The following CDH18 variants were observed in gnomAD, a reference collection of about 807,000 sequenced individuals.
CDH18 encodes the protein cadherin-18.
CDH18 carries 31 observed loss-of-function variants against 67.9 expected under a neutral mutation model. That is an observed-to-expected ratio of 0.46 (90% confidence interval 0.34 to 0.62). The LOEUF (loss-of-function observed/expected upper bound fraction) is 0.62, where lower values mean the gene tolerates loss of function less well. Among genes scored for constraint, CDH18 ranks in the 20% least tolerant of loss-of-function variants. The pLI, the probability that CDH18 is intolerant of heterozygous loss-of-function variation, is 0.01. For missense variants in CDH18, 890 were observed against 975.5 expected (o/e 0.91, Z 1.17); for synonymous variants, 362 against 347.2 (o/e 1.04, Z -0.48).
intron 5 of CDH18, among the ~76,000 whole-genome samples, chr5:19,716,051 T>C (rs1765301491): frequency 1.3e-5 from 2 of 152,094 alleles, no homozygotes; most frequent in South Asian, 4.1e-4. Flanking sequence ...ACTCCTGACC[T>C]GACGTGATCC....
At chr5:20,081,402 G>T (rs567395007) in intron 2 of CDH18, among the ~76,000 whole-genome samples, 40 of 152,144 alleles carry the variant, frequency 2.6e-4, no homozygotes, top group African/African-American at 9.6e-4. Flanking sequence ...AGAGAGGTTT[G>T]GTTTAAAATG....
chr5:20,384,292 A>G (rs1055394293), intron 1 of CDH18, among the ~76,000 whole-genome samples: 2 of 152,050 alleles, frequency 1.3e-5, no homozygotes, highest in Non-Finnish European at 2.9e-5. Context: ...TCTACTTTCC[A>G]TTTTTGTGGT....
At chr5:20,370,832 T>C (rs1203181578) in intron 1 of CDH18, among the ~76,000 whole-genome samples, 1 of 151,578 alleles carries the variant, frequency 6.6e-6, no homozygotes, top group Non-Finnish European at 1.5e-5. Context: ...AGGTCAGGAG[T>C]TCGAGACTAG....
chr5:19,936,361 A>G (rs1325154511), intron 2 of CDH18, among the ~76,000 whole-genome samples: 1 of 151,300 alleles, frequency 6.6e-6, no homozygotes, highest in Non-Finnish European at 1.5e-5. Context: ...TTCTCTGGCT[A>G]AAAATTAGGA....
intron 6 of CDH18, among the ~76,000 whole-genome samples, chr5:19,608,523 A>C (rs966867102): frequency 1.3e-5 from 2 of 151,736 alleles, no homozygotes; most frequent in Non-Finnish European, 3.0e-5. Context: ...AAAAAAAATC[A>C]ATGCCAATAT....
intron 3 of CDH18, among the ~76,000 whole-genome samples, chr5:19,792,591 A>G (rs1377517630): frequency 6.6e-6 from 1 of 152,134 alleles, no homozygotes; most frequent in African/African-American, 2.4e-5. Context: ...GTTGATCCAT[A>G]TATACTTTGG....
At chr5:20,182,942 A>T (rs1049397488) in intron 2 of CDH18, among the ~76,000 whole-genome samples, 5 of 152,118 alleles carry the variant, frequency 3.3e-5, no homozygotes, top group African/African-American at 1.2e-4. Flanking sequence ...TGTATATATA[A>T]TGGGATAGTT....
rs150370418 is a variant in CDH18, at chr5:19,483,410, G to A, written c.1773C>T (p.Cys591=). ...SSTLTIRVCA[C]ERDGRVRTCH... ...AGGTCCGCACACGCCCATCTCTCTC[G>A]CATGCACAAACCCTGATGGTGAGGG... Residue 591 remains cysteine (C), a synonymous_variant, in exon 12 of 13, where the codon TGC becomes TGT. Transcript: ENST00000382275. 5.6e-6 allele frequency: 9 copies of A among 1,613,972 alleles called. No homozygotes were observed. Among genetic ancestry groups the A allele is most frequent in the East Asian group, 2.2e-5 (1 of 44,858 alleles).
intron 5 of CDH18, among the ~76,000 whole-genome samples, chr5:19,694,750 G>A (rs1253000933): frequency 6.6e-6 from 1 of 151,448 alleles, no homozygotes; most frequent in Admixed American, 6.6e-5. Flanking sequence ...AAAATTAACT[G>A]TTTATTGAAT....
At chr5:19,544,060 G>T in intron 8 of CDH18, 55 bp from the exon 9 acceptor site, 1 of 900,814 alleles carries the variant, frequency 1.1e-6, no homozygotes, top group Non-Finnish European at 1.7e-6. Context: ...AAATACAACT[G>T]AACCAAGGAA....
intron 2 of CDH18, among the ~76,000 whole-genome samples, chr5:19,880,482 TGAA>T (rs1310842403): frequency 1.3e-5 from 2 of 152,082 alleles, no homozygotes; most frequent in African/African-American, 4.8e-5. Context: ...AATTAAGCAT[TGAA>T]GAAGGATAGA....
intron 1 of CDH18, among the ~76,000 whole-genome samples, chr5:20,433,407 G>A (rs1052071493): frequency 1.3e-5 from 2 of 151,894 alleles, no homozygotes; most frequent in Middle Eastern, 3.2e-3. Flanking sequence ...ATTGTCTCAA[G>A]TTTCCTCTTT....
At chr5:20,438,637 T>A (rs1361260809) in intron 1 of CDH18, among the ~76,000 whole-genome samples, 1 of 151,370 alleles carries the variant, frequency 6.6e-6, no homozygotes, top group Non-Finnish European at 1.5e-5. Flanking sequence ...GCTCAATATA[T>A]GATCAATATG....
rs113505253 is a variant in CDH18 at position 19,955,051 on chromosome 5, T to C, written c.-257+26009A>G. Among the ~76,000 whole-genome samples the C allele has an allele frequency of 3.0e-4, 45 of 152,222 alleles. 1 individual carries two copies. The highest frequency in any genetic ancestry group is 1.0e-3 in the African/African-American group (43 of 41,548). On this transcript the variant is annotated intron_variant, in intron 2 of 12. Coordinates refer to ENST00000382275, the MANE Select transcript of CDH18 (RefSeq NM_004934.5). ...GGTTTCTCCCATGCTGCTCTCATGATAGTGAATGCATTCTCAGGAGAGCTG... is the reference window on the plus strand; with the variant it reads ...GGTTTCTCCCATGCTGCTCTCATGACAGTGAATGCATTCTCAGGAGAGCTG...
intron 9 of CDH18, among the ~76,000 whole-genome samples, chr5:19,530,981 A>C (rs922329659): frequency 5.9e-5 from 9 of 152,028 alleles, no homozygotes; most frequent in Admixed American, 2.0e-4. Context: ...ACTGTCTGGC[A>C]CTCCCTAGTG....
intron 1 of CDH18, among the ~76,000 whole-genome samples, chr5:20,287,774 G>A (rs1204161874): frequency 2.2e-5 from 3 of 133,970 alleles, no homozygotes; most frequent in African/African-American, 7.7e-5. Flanking sequence ...AAGCATTCAT[G>A]TGAAACAAAT....
intron 2 of CDH18, among the ~76,000 whole-genome samples, chr5:19,964,885 A>G (rs1797276639): frequency 6.6e-6 from 1 of 152,172 alleles, no homozygotes. Context: ...TTAGATGAAT[A>G]AATTTTGATA....
chr5:20,575,221 AACTT>A (rs1381076770), intron 1 of CDH18, among the ~76,000 whole-genome samples: 1 of 152,064 alleles, frequency 6.6e-6, no homozygotes, highest in Admixed American at 6.6e-5. Flanking sequence ...CTGCTACAGA[AACTT>A]ACAATGTAGT....
At chr5:19,785,679 A>T (rs866176417) in intron 3 of CDH18, among the ~76,000 whole-genome samples, 72 of 28,060 alleles carry the variant, frequency 2.6e-3, no homozygotes, top group African/African-American at 7.5e-3. Flanking sequence ...AAAAAAAAAA[A>T]ATATATATAT....
Sources: allele counts gnomAD v4.1 joint callset (sites outside exome capture counted in the v4.1 genomes callset), GRCh38; gene constraint gnomAD v4.1.1; transcripts MANE v1.5; gene names NCBI Gene and HGNC (gene_info 2026-07-23, HGNC 2026-07-21).